CFAP53: variants seen among roughly 807,000 people sequenced by gnomAD.
CFAP53 encodes the protein cilia- and flagella-associated protein 53.
Under a neutral mutation model 59.7 loss-of-function variants are expected in CFAP53, and 62 were observed. That is an observed-to-expected ratio of 1.04 (90% CI 0.85 to 1.28). CFAP53 has a LOEUF of 1.28. CFAP53 is among the 50% of genes most tolerant of loss of function. The probability of loss-of-function intolerance (pLI) is 0.00; values close to 1 mark genes in which losing one functional copy is unlikely to be tolerated. For synonymous variants in CFAP53, 218 were observed against 205.7 expected, an observed-to-expected ratio of 1.06 and a Z score of -0.51; for missense variants, 629 against 615.6, an observed-to-expected ratio of 1.02 and a Z score of -0.23.
Position 50,227,270 on chromosome 18 carries a change from A to T in CFAP53, c.*111T>A. The T allele has an allele frequency of 1.2e-6, 1 of 817,152 alleles. No individual in the cohort carries two copies. Among genetic ancestry groups the T allele is most frequent in the Non-Finnish European group, 1.9e-6 (1 of 524,532 alleles). 50.6% of individuals were successfully genotyped at this position (817,152 alleles called of 1,614,324 possible). On this transcript the variant is annotated 3_prime_UTR_variant, in exon 8 of 8. Coordinates refer to ENST00000398545, the MANE Select transcript of CFAP53 (RefSeq NM_145020.5). ...AAGAAAATTATGTTCAATTAATTAC[A>T]CAAACTCAGGGAAAAAAGAAAAGTT...
rs897584290 is a variant in CFAP53 at position 50,250,877 on chromosome 18, G to A, written c.877C>T (p.Gln293Ter). 1.6e-5 allele frequency: 26 copies of A among 1,614,008 alleles called. No individual in the cohort carries two copies. Among genetic ancestry groups the A allele is most frequent in the Non-Finnish European group, 2.2e-5 (26 of 1,180,012 alleles). Residue 293 changes from glutamine (Q) to a stop codon, truncating the protein, a stop_gained, in exon 5 of 8, where the codon CAA becomes TAA. Coordinates refer to ENST00000398545, the MANE Select transcript of CFAP53 (RefSeq NM_145020.5). LOFTEE classifies it high-confidence loss of function. ...TGCTGAATATGTTCTATCCTCTCTTGTAGGGCTTTTTGCAAAATGGTCCTA... is the reference window on the plus strand; with the variant it reads ...TGCTGAATATGTTCTATCCTCTCTTATAGGGCTTTTTGCAAAATGGTCCTA... ...ETRTILQKAL[Q>*]ERIEHIQQEY... is the part of the protein sequence containing the mutation.
Position 50,234,711 on chromosome 18 carries a change from T to G in CFAP53, c.1316+3892A>C, listed in dbSNP as rs575044672. 2.6e-5 allele frequency among the ~76,000 whole-genome samples: 4 copies of G among 152,346 alleles called. No individual in the cohort carries two copies. The East Asian group carries it at 5.8e-4, about 22-fold the overall frequency. ...ATATAACTCCTTAGACTTTATAACC[T>G]CTGGCCAAGTTCCAAATTTGTGATC... On this transcript the variant is annotated intron_variant, in intron 7 of 7. Transcript: ENST00000398545.
intron 7 of CFAP53, among the ~76,000 whole-genome samples, chr18:50,237,770 G>A (rs2033652578): frequency 1.3e-5 from 2 of 152,096 alleles, no homozygotes; most frequent in Non-Finnish European, 2.9e-5. Flanking sequence ...TGATCAGAAG[G>A]ACACTAACCA....
chr18:50,262,065 A>C lies in CFAP53; in HGVS notation c.224T>G (p.Leu75Trp). 1 of 1,614,228 alleles carries C rather than the reference A, an allele frequency of 6.2e-7. No individual in the cohort carries two copies. Among genetic ancestry groups the C allele is most frequent in the Non-Finnish European group, 8.5e-7 (1 of 1,180,038 alleles). ...EWDQHNDCKI[L>W]DSLVRARIKD... The stretch of plus-strand genomic sequence containing the variant: ...GATTCTTGCTCGCACAAGGCTGTCC[A>C]AAATCTTGCAGTCATTGTGCTGGTC... The change falls in exon 2 of 8, where the codon TTG (leucine) becomes TGG (tryptophan). Residue 75 changes from leucine to tryptophan, a missense_variant. Coordinates refer to ENST00000398545, the MANE Select transcript of CFAP53 (RefSeq NM_145020.5).
chr18:50,229,919 T>TTTG (rs1208206200), intron 7 of CFAP53, among the ~76,000 whole-genome samples: 1 of 151,842 alleles, frequency 6.6e-6, no homozygotes, highest in Non-Finnish European at 1.5e-5. Flanking sequence ...AGCTAATTTT[T>TTTG]TTGTTGTTGT....
intron 5 of CFAP53, among the ~76,000 whole-genome samples, chr18:50,243,919 T>C (rs1351111593): frequency 6.7e-6 from 1 of 148,710 alleles, no homozygotes; most frequent in Non-Finnish European, 1.5e-5. Context: ...GCCACTGCAC[T>C]CCAGCCTGGG....
At chr18:50,238,829 G>C (rs2033661597) in intron 6 of CFAP53, 124 bp from the exon 7 acceptor site, 2 of 644,140 alleles carry the variant, frequency 3.1e-6, no homozygotes. Context: ...CTGGATCTTA[G>C]ATTGATAAAG....
intron 7 of CFAP53, among the ~76,000 whole-genome samples, chr18:50,229,271 T>C (rs2033556928): frequency 6.6e-6 from 1 of 152,188 alleles, no homozygotes; most frequent in Non-Finnish European, 1.5e-5. Context: ...GTAACCACCA[T>C]TCTACTTTAT....
chr18:50,261,732 C>T (rs570449153), intron 2 of CFAP53, among the ~76,000 whole-genome samples: 9 of 151,996 alleles, frequency 5.9e-5, no homozygotes, highest in South Asian at 2.1e-4. Context: ...AAATAAGATA[C>T]GAAATATATA....
chr18:50,227,570 C>T lies in CFAP53; in HGVS notation c.1356G>A (p.Gln452=). Residue 452 remains glutamine, a synonymous_variant, in exon 8 of 8, where the codon CAG becomes CAA. Coordinates refer to ENST00000398545, the MANE Select transcript of CFAP53 (RefSeq NM_145020.5). ...RLAQEYRKQL[Q]MQIAYQQQSQ... is the part of the protein sequence containing the mutation. ...ACTGCTGCTGGTAGGCGATTTGCAT[C>T]TGAAGTTGCTTCCTGTACTCCTGGG... is the stretch of plus-strand genomic sequence containing the variant. The T allele has an allele frequency of 6.2e-7, 1 of 1,614,166 alleles. No homozygotes were observed. Among genetic ancestry groups the T allele is most frequent in the Non-Finnish European group, 8.5e-7 (1 of 1,180,018 alleles).
In CFAP53 at chr18:50,251,772, C is replaced by T. The variant is rs758957460; in HGVS notation, c.486G>A (p.Glu162=). 15 of 1,612,530 alleles carry T rather than the reference C, an allele frequency of 9.3e-6. No individual in the cohort carries two copies. Among genetic ancestry groups the T allele is most frequent in the South Asian group, 5.5e-5 (5 of 90,922 alleles). The change falls in exon 4 of 8, where the codon GAG becomes GAA. Residue 162 remains glutamate, a synonymous_variant. Coordinates refer to ENST00000398545, the MANE Select transcript of CFAP53 (RefSeq NM_145020.5). ...TAGATAACAATTCAACACGGAGCTC[C>T]TCACAGCGTTCCCTGAAAGGAAAAT... is the stretch of plus-strand genomic sequence containing the variant. The part of the protein sequence containing the change: ...KLDQQFRERC[E]ELRVELLSIH...
intron 6 of CFAP53, 23 bp downstream of exon 6, chr18:50,242,877 A>G: frequency 6.3e-7 from 1 of 1,579,994 alleles, no homozygotes; most frequent in Non-Finnish European, 8.7e-7. Context: ...AAGCTATAAT[A>G]TAACTGTAAT....
At chr18:50,257,246 A>G (rs2033854344) in intron 3 of CFAP53, among the ~76,000 whole-genome samples, 1 of 152,162 alleles carries the variant, frequency 6.6e-6, no homozygotes. Flanking sequence ...CTATTATTCA[A>G]CATAGCACTG....
Position 50,251,691 on chromosome 18 carries a change from C to A in CFAP53, c.567G>T (p.Glu189Asp). The change falls in exon 4 of 8, where the codon GAG becomes GAT. Residue 189 changes from glutamate (E) to aspartate (D), a missense_variant. Physicochemically the swap from Glu to Asp is conservative, Grantham distance 45. Coordinates refer to ENST00000398545, the MANE Select transcript of CFAP53 (RefSeq NM_145020.5). ...CTTCCACCAGCTTTTGCCTGCTCAG[C>A]TCCTCATTAAATGCAATCTGTGCTT... ...ERKAQIAFNEELSRQKLVEEQ... is the reference protein window; with the variant it reads ...ERKAQIAFNEDLSRQKLVEEQ... The A allele has an allele frequency of 6.2e-7, 1 of 1,614,236 alleles. No homozygotes were observed. Among genetic ancestry groups the A allele is most frequent in the South Asian group, 1.1e-5 (1 of 91,080 alleles).
chr18:50,264,122 C>A (rs1011495618), intron 1 of CFAP53, among the ~76,000 whole-genome samples: 6 of 152,100 alleles, frequency 3.9e-5, no homozygotes, highest in African/African-American at 9.7e-5. Flanking sequence ...CCAATATATC[C>A]AAGATGTTAT....
chr18:50,241,925 G>A (rs4939959), intron 6 of CFAP53, among the ~76,000 whole-genome samples: 97,095 of 151,916 alleles, frequency 0.64, 31,896 homozygotes, highest in Admixed American at 0.72. Flanking sequence ...AAGCCTGAGG[G>A]TACTGCAGGA....
intron 3 of CFAP53, among the ~76,000 whole-genome samples, chr18:50,256,946 T>C (rs939488181): frequency 4.0e-5 from 6 of 148,686 alleles, no homozygotes; most frequent in Non-Finnish European, 7.4e-5. Context: ...GCCCCACTCA[T>C]ACTAGATGAC....
Position 50,265,137 on chromosome 18 carries a change from T to G in CFAP53, c.69+1199A>C, listed in dbSNP as rs115570216. On this transcript the variant is annotated intron_variant, in intron 1 of 7. Transcript: ENST00000398545. ...TTAGTGGTTTCATTCTACCTAAGTT[T>G]TTTTTTGCAATTGGATTACAAGTTG... is the stretch of plus-strand genomic sequence containing the variant. Among the ~76,000 whole-genome samples the G allele has an allele frequency of 4.5e-4, 69 of 152,216 alleles. 2 individuals are homozygous for G. Among genetic ancestry groups the G allele is most frequent in the Non-Finnish European group, 4.4e-5 (3 of 68,046 alleles).
chr18:50,260,713 C>T (rs1232539619), intron 3 of CFAP53, among the ~76,000 whole-genome samples: 1 of 152,098 alleles, frequency 6.6e-6, no homozygotes, highest in Non-Finnish European at 1.5e-5. Flanking sequence ...ACATGCAGCA[C>T]AGGTAGAGAC....
Sources: gnomAD v4.1 joint callset for allele counts (sites outside exome capture counted in the v4.1 genomes callset) on GRCh38, gnomAD v4.1.1 for gene constraint, MANE v1.5 for transcripts, NCBI Gene and HGNC (gene_info 2026-07-23, HGNC 2026-07-21) for gene names.